Variants in APPBP2 observed in about 807,000 individuals in gnomAD.
The protein encoded by APPBP2 is amyloid protein-binding protein 2.
Under a neutral mutation model 76.0 loss-of-function variants are expected in APPBP2, and 15 were observed. The observed-to-expected ratio is 0.20, with a 90% CI of 0.13 to 0.30. The LOEUF is 0.30. APPBP2 is among the 10% of genes least tolerant of loss of function. APPBP2 has a pLI of 1.00. For missense variants in APPBP2, 401 were observed against 687.2 expected (o/e 0.58, Z 4.66); for synonymous variants, 222 against 242.2 (o/e 0.92, Z 0.77).
chr17:60,513,806 A>C (rs1012259724), intron 1 of APPBP2, among the ~76,000 whole-genome samples: 18 of 151,758 alleles, frequency 1.2e-4, no homozygotes, highest in Non-Finnish European at 5.9e-5. Flanking sequence ...GAGGTTGCAG[A>C]TGCCACTGCA....
At chr17:60,455,439 G>A (rs73990454) in intron 10 of APPBP2, among the ~76,000 whole-genome samples, 2,288 of 152,226 alleles carry the variant, frequency 0.015, 48 homozygotes, top group African/African-American at 0.051. Flanking sequence ...CAGAATTAAG[G>A]TAGAACATAT....
intron 12 of APPBP2, among the ~76,000 whole-genome samples, chr17:60,450,437 C>CA (rs374410554): frequency 0.017 from 1,956 of 114,698 alleles, 26 homozygotes; most frequent in Middle Eastern, 0.033. Context: ...GACTCCCTCT[C>CA]AAAAAAAAAA....
rs2143520758 is a variant in APPBP2 at position 60,526,223 on chromosome 17, A to C, written c.-292T>G. 8.7e-6 allele frequency: 3 copies of C among 345,336 alleles called. No homozygotes were observed. In the South Asian group the frequency reaches 9.0e-5, roughly 10 times the overall value. The allele number at this position is 345,336 out of a possible 1,614,324, so 21.4% of individuals were successfully genotyped here. A position where few individuals can be genotyped will look rare whatever the true frequency, so the allele number is the denominator to read the frequency against. ...GTTCCGTCCCAGCGCTGATCTCTGC[A>C]GGGGCGGGGCTGCGTGTGCGGCGTC... On this transcript the variant is annotated 5_prime_UTR_variant, in exon 1 of 13. Coordinates refer to ENST00000083182, the MANE Select transcript of APPBP2 (RefSeq NM_006380.5).
intron 12 of APPBP2, among the ~76,000 whole-genome samples, chr17:60,451,397 G>A (rs956364281): frequency 2.0e-5 from 3 of 151,772 alleles, no homozygotes; most frequent in Non-Finnish European, 4.4e-5. Flanking sequence ...ATGATTTTTG[G>A]GTGGTTCCTG....
chr17:60,486,170 T>A lies in APPBP2; in HGVS notation c.380-6899A>T, dbSNP rs191600925. Among the ~76,000 whole-genome samples the A allele has an allele frequency of 2.3e-4, 35 of 152,280 alleles. No individual in the cohort carries two copies. The East Asian group carries it at 6.6e-3, about 29-fold the overall frequency. On this transcript the variant is annotated intron_variant, in intron 3 of 12. Coordinates refer to ENST00000083182, the MANE Select transcript of APPBP2 (RefSeq NM_006380.5). ...CGATGTGGTGCTGAGAAGAATATAT[T>A]CTGTTGATTTGGGGTGGAGAGTTCT...
intron 3 of APPBP2, among the ~76,000 whole-genome samples, chr17:60,485,933 T>C (rs2143402801): frequency 6.6e-6 from 1 of 152,342 alleles, no homozygotes; most frequent in East Asian, 1.9e-4. Context: ...GACATCTTTA[T>C]TTCTGCCTTC....
At chr17:60,462,967 A>G (rs578093938) in intron 6 of APPBP2, among the ~76,000 whole-genome samples, 88 of 151,748 alleles carry the variant, frequency 5.8e-4, no homozygotes, top group Non-Finnish European at 7.9e-4. Flanking sequence ...AAAAAAAGAA[A>G]AAAAAACCCA....
intron 1 of APPBP2, among the ~76,000 whole-genome samples, chr17:60,503,823 G>A (rs1393027233): frequency 1.5e-5 from 2 of 131,884 alleles, no homozygotes; most frequent in Non-Finnish European, 2.9e-5. Flanking sequence ...TACAGATGAG[G>A]AAACTGAGTC....
intron 3 of APPBP2, among the ~76,000 whole-genome samples, chr17:60,486,607 T>C (rs1424084967): frequency 6.6e-6 from 1 of 152,204 alleles, no homozygotes; most frequent in African/African-American, 2.4e-5. Context: ...GAGATGGGTC[T>C]CCTAAATACA....
Position 60,513,382 on chromosome 17 carries a change from T to C in APPBP2, c.138+12412A>G, listed in dbSNP as rs568634005. On this transcript the variant is annotated intron_variant, in intron 1 of 12. Coordinates refer to ENST00000083182, the MANE Select transcript of APPBP2 (RefSeq NM_006380.5). ...GCTTATGTGGTCTATGAAGACATCTTTGTTGCCAAGAATGCTTGTGATCAC... is the reference window on the plus strand; with the variant it reads ...GCTTATGTGGTCTATGAAGACATCTCTGTTGCCAAGAATGCTTGTGATCAC... 6.0e-5 allele frequency: 40 copies of C among 666,928 alleles called. No individual in the cohort carries two copies. In the African/African-American group the frequency reaches 6.7e-4, roughly 11 times the overall value. 41.3% of individuals were successfully genotyped at this position (666,928 alleles called of 1,614,324 possible).
chr17:60,466,514 T>C, intron 4 of APPBP2, 55 bp from the exon 5 acceptor site: 2 of 1,515,522 alleles, frequency 1.3e-6, no homozygotes, highest in Non-Finnish European at 1.8e-6. Flanking sequence ...TTGGTAGACC[T>C]GATGACCTCT....
chr17:60,460,889 T>A, intron 8 of APPBP2, 102 bp from the exon 9 acceptor site: 1 of 1,200,192 alleles, frequency 8.3e-7, no homozygotes. Flanking sequence ...CCTAACACCA[T>A]AAAATTTTGA....
chr17:60,506,752 T>C (rs140074289), intron 1 of APPBP2, among the ~76,000 whole-genome samples: 4 of 152,286 alleles, frequency 2.6e-5, no homozygotes, highest in African/African-American at 4.8e-5. Flanking sequence ...AAAAAACATT[T>C]TCCCCCCGGG....
In APPBP2 at chr17:60,526,034, G is replaced by A. The variant is rs2143519971; in HGVS notation, c.-103C>T. The A allele has an allele frequency of 8.1e-7, 1 of 1,231,392 alleles. No homozygotes were observed. Among genetic ancestry groups the A allele is most frequent in the East Asian group, 2.6e-5 (1 of 38,470 alleles). 76.3% of individuals were successfully genotyped at this position (1,231,392 alleles called of 1,614,324 possible). ...CGGCCCCGGAGGATTCGGAGGGGCG[G>A]TGGCAGCCACGCGGGCGCACGGCAG... On this transcript the variant is annotated 5_prime_UTR_variant, in exon 1 of 13. Transcript: ENST00000083182.
intron 3 of APPBP2, among the ~76,000 whole-genome samples, chr17:60,480,245 T>G (rs1428393810): frequency 6.6e-6 from 1 of 151,948 alleles, no homozygotes; most frequent in Non-Finnish European, 1.5e-5. Flanking sequence ...TGGTGGCGAG[T>G]GCCTGTAGTC....
intron 2 of APPBP2, among the ~76,000 whole-genome samples, chr17:60,500,168 G>A (rs1328436472): frequency 5.3e-5 from 8 of 151,966 alleles, no homozygotes; most frequent in Middle Eastern, 3.4e-3. Context: ...CTACCACCAC[G>A]CCCAGCTAAT....
chr17:60,496,178 T>C (rs1373675437), intron 2 of APPBP2, among the ~76,000 whole-genome samples: 1 of 152,230 alleles, frequency 6.6e-6, no homozygotes, highest in Non-Finnish European at 1.5e-5. Context: ...GAGTTGACTG[T>C]TAATGATTTC....
In APPBP2 at chr17:60,503,388, G is replaced by C. The variant is rs1215049590; in HGVS notation, c.139-2901C>G. ...ACCAAGTTTATCTAAAAAATGCAAA[G>C]TAATTTTTTTTTTTTTGAGACAGAG... On this transcript the variant is annotated intron_variant, in intron 1 of 12. Transcript: ENST00000083182. 2.8e-5 allele frequency among the ~76,000 whole-genome samples: 4 copies of C among 144,994 alleles called. No homozygotes were observed. The South Asian group carries it at 6.3e-4, about 23-fold the overall frequency.
At chr17:60,518,681 T>TAGCCAGGACAGGGCTAAAATTAAA (rs1312154543) in intron 1 of APPBP2, among the ~76,000 whole-genome samples, 2 of 152,146 alleles carry the variant, frequency 1.3e-5, no homozygotes, top group African/African-American at 2.4e-5. Flanking sequence ...TTTTTAATTT[T>TAGCCAGGACAGGGCTAAAATTAAA]TTTGTAGAGA....
Sources: gnomAD v4.1 joint callset for allele counts (sites outside exome capture counted in the v4.1 genomes callset) on GRCh38, gnomAD v4.1.1 for gene constraint, MANE v1.5 for transcripts, NCBI Gene and HGNC (gene_info 2026-07-23, HGNC 2026-07-21) for gene names.